The following NFIB variants were observed in gnomAD, a reference collection of about 807,000 sequenced individuals.
NFIB encodes nuclear factor I B, also known as nuclear factor 1 B-type.
In NFIB, 11 loss-of-function variants were observed where a neutral mutation model predicts 61.5. That is an observed-to-expected ratio of 0.18 (90% CI 0.11 to 0.30). NFIB has a LOEUF of 0.30. Among genes scored for constraint, NFIB ranks in the 10% least tolerant of loss-of-function variants. The pLI, the probability that NFIB is intolerant of heterozygous loss-of-function variation, is 1.00. For missense variants in NFIB, 471 were observed against 608.9 expected (o/e 0.77, Z 2.38); for synonymous variants, 260 against 216.5 (o/e 1.20, Z -1.76).
the NFIB span, among the ~76,000 whole-genome samples, chr9:14,405,814 C>A: frequency 6.6e-6 from 1 of 152,088 alleles, no homozygotes; most frequent in African/African-American, 2.4e-5. Context: ...CCGATGGGTT[C>A]AATACAGTAG....
the NFIB span, among the ~76,000 whole-genome samples, chr9:14,502,036 A>G: frequency 6.6e-6 from 1 of 152,222 alleles, no homozygotes; most frequent in Non-Finnish European, 1.5e-5. Context: ...ATTAGATATT[A>G]GAACATTAGC....
chr9:14,241,068 A>C (rs937757017), intron 2 of NFIB, among the ~76,000 whole-genome samples: 1 of 152,218 alleles, frequency 6.6e-6, no homozygotes, highest in Non-Finnish European at 1.5e-5. Flanking sequence ...GCAGCTGAGA[A>C]AGAAAGCACA....
chr9:14,089,862 C>G (rs1417410872), intron 10 of NFIB, among the ~76,000 whole-genome samples: 1 of 151,896 alleles, frequency 6.6e-6, no homozygotes, highest in Non-Finnish European at 1.5e-5. Flanking sequence ...CTGGTGATAC[C>G]TCGATACAAA....
intron 10 of NFIB, among the ~76,000 whole-genome samples, chr9:14,092,232 T>C (rs1437358026): frequency 1.3e-5 from 2 of 152,080 alleles, no homozygotes; most frequent in East Asian, 1.9e-4. Flanking sequence ...TAGCAGTTGA[T>C]GTGGAAAGGA....
At chr9:14,439,563 C>T in the NFIB span, among the ~76,000 whole-genome samples, 3 of 152,184 alleles carry the variant, frequency 2.0e-5, no homozygotes, top group Non-Finnish European at 4.4e-5. Flanking sequence ...ACTTTGGCCA[C>T]CCCAGATGTG....
In NFIB at chr9:14,359,051, C is replaced by G. The variant is rs1341628455; in HGVS notation, c.108+39473G>C. Among the ~76,000 whole-genome samples, 2 of 152,180 alleles carry G rather than the reference C, an allele frequency of 1.3e-5. 1 individual carries two copies. Among genetic ancestry groups the G allele is most frequent in the Admixed American group, 1.3e-4 (2 of 15,278 alleles). On this transcript the variant is annotated intron_variant, in intron 1 of 8. Transcript: ENST00000380934. The stretch of plus-strand genomic sequence containing the variant: ...CTCTTCCCAATTCCATGTTCATTGA[C>G]TTCCCTTTGATAGCTTGAAGTTGGC...
intron 1 of NFIB, among the ~76,000 whole-genome samples, chr9:14,327,049 T>A (rs2060762311): frequency 6.6e-6 from 1 of 152,134 alleles, no homozygotes; most frequent in African/African-American, 2.4e-5. Context: ...TGCAAAAAAT[T>A]TCAGGATATT....
chr9:14,295,596 A>C (rs1038924978), intron 2 of NFIB, among the ~76,000 whole-genome samples: 9 of 151,984 alleles, frequency 5.9e-5, no homozygotes, highest in Non-Finnish European at 1.0e-4. Flanking sequence ...GCGCCACTGC[A>C]CTCCAGCCTG....
intron 10 of NFIB, among the ~76,000 whole-genome samples, chr9:14,104,395 G>A (rs1563788197): frequency 6.6e-6 from 1 of 151,728 alleles, no homozygotes; most frequent in Admixed American, 6.6e-5. Context: ...ATCAAATTTA[G>A]TGTGATGGGG....
chr9:14,360,498 T>C (rs1480286609), intron 1 of NFIB, among the ~76,000 whole-genome samples: 1 of 152,084 alleles, frequency 6.6e-6, no homozygotes, highest in Non-Finnish European at 1.5e-5. Flanking sequence ...TTTTGGCAAA[T>C]TGAATGATTT....
chr9:14,495,445 ACTTT>A, the NFIB span, among the ~76,000 whole-genome samples: 3 of 98,094 alleles, frequency 3.1e-5, no homozygotes, highest in South Asian at 6.4e-4. Context: ...AGAGAAATGA[ACTTT>A]TTTTTTTTTT....
intron 2 of NFIB, among the ~76,000 whole-genome samples, chr9:14,297,365 G>A (rs2059502735): frequency 6.6e-6 from 1 of 152,150 alleles, no homozygotes. Flanking sequence ...CTGAGGCCAT[G>A]GACTAAAATG....
intron 3 of NFIB, among the ~76,000 whole-genome samples, chr9:14,167,621 A>G (rs940499581): frequency 8.5e-5 from 13 of 152,236 alleles, no homozygotes; most frequent in Non-Finnish European, 1.8e-4. Flanking sequence ...TTATACCTCA[A>G]TAAAGTTAGC....
At chr9:14,528,005 T>G in the NFIB span, among the ~76,000 whole-genome samples, 2 of 152,178 alleles carry the variant, frequency 1.3e-5, no homozygotes, top group African/African-American at 4.8e-5. Flanking sequence ...TCTTTAGTTT[T>G]TAGTAAAAGA....
intron 2 of NFIB, among the ~76,000 whole-genome samples, chr9:14,206,589 C>T (rs2049750652): frequency 6.7e-6 from 1 of 149,804 alleles, no homozygotes; most frequent in Non-Finnish European, 1.5e-5. Context: ...CAACAATCTG[C>T]TCAACAAACA....
intron 10 of NFIB, among the ~76,000 whole-genome samples, chr9:14,091,935 T>C (rs1454620010): frequency 1.3e-5 from 2 of 152,046 alleles, no homozygotes; most frequent in Non-Finnish European, 2.9e-5. Context: ...AAATCAAAAT[T>C]CCAAAAATAA....
At chr9:14,099,072 TAG>T (rs1331520749) in intron 10 of NFIB, among the ~76,000 whole-genome samples, 6 of 152,150 alleles carry the variant, frequency 3.9e-5, no homozygotes, top group Non-Finnish European at 8.8e-5. Flanking sequence ...ACAGGGCAAT[TAG>T]TATAAAGCAG....
chr9:14,423,884 T>G, the NFIB span, among the ~76,000 whole-genome samples: 1 of 152,190 alleles, frequency 6.6e-6, no homozygotes, highest in East Asian at 1.9e-4. Context: ...GAGATCTTTA[T>G]TTTGCATTCC....
At chr9:14,333,386 T>C (rs972633016) in intron 1 of NFIB, among the ~76,000 whole-genome samples, 2 of 152,222 alleles carry the variant, frequency 1.3e-5, no homozygotes, top group African/African-American at 4.8e-5. Flanking sequence ...CCATGAATTA[T>C]AAGCAGACTT....
Sources: gnomAD v4.1 joint callset for allele counts (sites outside exome capture counted in the v4.1 genomes callset) on GRCh38, gnomAD v4.1.1 for gene constraint, MANE v1.5 for transcripts, NCBI Gene and HGNC (gene_info 2026-07-23, HGNC 2026-07-21) for gene names.